FRMD4B: variants seen among roughly 807,000 people sequenced by gnomAD.
The protein encoded by FRMD4B is FERM domain containing 4B, also known as FERM domain-containing protein 4B.
A neutral mutation model predicts 141.5 loss-of-function variants in FRMD4B; 74 were observed. That is an observed-to-expected ratio of 0.52 (90% CI 0.43 to 0.63). The LOEUF is 0.63. FRMD4B is among the 30% of genes least tolerant of loss of function. The pLI is 0.00. For synonymous variants in FRMD4B, 506 were observed against 467.9 expected (o/e 1.08, Z -1.05); for missense variants, 1,366 against 1,253.4 (o/e 1.09, Z -1.36).
intron 1 of FRMD4B, among the ~76,000 whole-genome samples, chr3:69,365,165 A>C (rs1703601945): frequency 6.6e-6 from 1 of 152,206 alleles, no homozygotes; most frequent in African/African-American, 2.4e-5. Flanking sequence ...TATACAAGGA[A>C]ATTCCATATC....
chr3:69,181,242 G>T lies in FRMD4B; in HGVS notation c.2508C>A (p.Asn836Lys). 1 of 1,613,550 alleles carries T rather than the reference G, an allele frequency of 6.2e-7. No homozygotes were observed. Among genetic ancestry groups the T allele is most frequent in the Non-Finnish European group, 8.5e-7 (1 of 1,179,544 alleles). Residue 836 changes from asparagine (N) to lysine (K), a missense_variant, in exon 21 of 23, where the codon AAC (asparagine) becomes AAA (lysine). Physicochemically the swap from Asn to Lys is moderately conservative, Grantham distance 94. Coordinates refer to ENST00000398540, the MANE Select transcript of FRMD4B (RefSeq NM_015123.3). Reference protein sequence around the residue: ...ENDTEGQYSVNPSYRSSAHYG... With the variant: ...ENDTEGQYSVKPSYRSSAHYG... ...AGTGGGCTGAGGACCGGTAGGAAGGGTTGACACTATACTGTCCCTCGGTGT... is the reference window on the plus strand; with the variant it reads ...AGTGGGCTGAGGACCGGTAGGAAGGTTTGACACTATACTGTCCCTCGGTGT...
chr3:69,466,142 C>T (rs1575812238), intron 1 of FRMD4B, among the ~76,000 whole-genome samples: 1 of 152,004 alleles, frequency 6.6e-6, no homozygotes, highest in Non-Finnish European at 1.5e-5. Context: ...TAATGACCAG[C>T]GATGATGAGC....
At chr3:69,427,195 A>G (rs561526829) in intron 2 of FRMD4B, among the ~76,000 whole-genome samples, 3 of 151,228 alleles carry the variant, frequency 2.0e-5, no homozygotes, top group East Asian at 3.9e-4. Context: ...TTAACCCCTC[A>G]ATATTTTCTG....
intron 10 of FRMD4B, among the ~76,000 whole-genome samples, chr3:69,217,772 T>C (rs975677084): frequency 6.6e-6 from 1 of 152,214 alleles, no homozygotes; most frequent in Non-Finnish European, 1.5e-5. Context: ...TGATCAATTA[T>C]AAAATTATTT....
chr3:69,324,419 G>A (rs1702113772), intron 1 of FRMD4B, among the ~76,000 whole-genome samples: 1 of 152,232 alleles, frequency 6.6e-6, no homozygotes, highest in Non-Finnish European at 1.5e-5. Flanking sequence ...CAATAAGACT[G>A]AAAGGGCATT....
In FRMD4B at chr3:69,402,371, C is replaced by T. The variant is rs954661226; in HGVS notation, c.-1+30263G>A. On this transcript the variant is annotated intron_variant, in intron 2 of 5. Transcript: ENST00000459638. ...TACCAAGATGAGAAACTGGAGCCTT[C>T]AAGTATTGTGTGTGAGCTGCCCTAC... Among the ~76,000 whole-genome samples, 7 of 152,312 alleles carry T rather than the reference C, an allele frequency of 4.6e-5. No homozygotes were observed. In the South Asian group the frequency reaches 1.0e-3, roughly 23 times the overall value.
chr3:69,514,866 T>G (rs1050654612), intron 1 of FRMD4B, among the ~76,000 whole-genome samples: 1 of 152,160 alleles, frequency 6.6e-6, no homozygotes, highest in Non-Finnish European at 1.5e-5. Context: ...AAATCCATCC[T>G]AAAATTCCTA....
intron 2 of FRMD4B, among the ~76,000 whole-genome samples, chr3:69,402,316 T>C (rs780390755): frequency 6.6e-6 from 1 of 152,180 alleles, no homozygotes; most frequent in Admixed American, 6.5e-5. Flanking sequence ...ATGAAGCCAA[T>C]ACAGAGAGCT....
rs766632045 is a variant in FRMD4B at position 69,196,420 on chromosome 3, C to G, written c.1093-24G>C. On this transcript the variant is annotated intron_variant, in intron 13 of 22. Coordinates refer to ENST00000398540, the MANE Select transcript of FRMD4B (RefSeq NM_015123.3). Reference sequence around the variant, plus strand: ...GCCTAAGAGGCATACAACAATGAAACAGAATTAACTCAAACATACTTCAAA... The same window carrying G: ...GCCTAAGAGGCATACAACAATGAAAGAGAATTAACTCAAACATACTTCAAA... 3 of 1,575,392 alleles carry G rather than the reference C, an allele frequency of 1.9e-6. No individual in the cohort carries two copies. In the African/African-American group the frequency reaches 4.1e-5, roughly 21 times the overall value.
chr3:69,473,163 C>A (rs983077938), intron 1 of FRMD4B, among the ~76,000 whole-genome samples: 4 of 152,010 alleles, frequency 2.6e-5, no homozygotes, highest in African/African-American at 9.7e-5. Flanking sequence ...ATTTATCTGA[C>A]AAGGATGGCA....
At chr3:69,458,849 TAAAAAAAA>T (rs35229515) in intron 1 of FRMD4B, among the ~76,000 whole-genome samples, 1 of 82,172 alleles carries the variant, frequency 1.2e-5, no homozygotes, top group African/African-American at 4.9e-5. Context: ...ATGGGCTGCT[TAAAAAAAA>T]AAAAAAAAAA....
At chr3:69,279,450 T>C (rs1313739230) in intron 5 of FRMD4B, among the ~76,000 whole-genome samples, 2 of 152,212 alleles carry the variant, frequency 1.3e-5, no homozygotes, top group South Asian at 2.1e-4. Context: ...GTGCTTTCTA[T>C]GTGTTGAGTT....
chr3:69,515,853 C>A (rs1441635296), intron 1 of FRMD4B, among the ~76,000 whole-genome samples: 1 of 152,166 alleles, frequency 6.6e-6, no homozygotes, highest in Non-Finnish European at 1.5e-5. Flanking sequence ...TCATACACTG[C>A]ATTAAACCTA....
chr3:69,275,010 T>C (rs1243022904), intron 5 of FRMD4B, among the ~76,000 whole-genome samples: 1 of 152,184 alleles, frequency 6.6e-6, no homozygotes, highest in Non-Finnish European at 1.5e-5. Context: ...TGCATACTGA[T>C]TCTTAAAACA....
intron 7 of FRMD4B, among the ~76,000 whole-genome samples, chr3:69,247,723 A>G (rs140914533): frequency 0.012 from 1,845 of 152,210 alleles, 57 homozygotes; most frequent in Admixed American, 0.064. Flanking sequence ...ATCTCGGCTC[A>G]CTGCAAGCTC....
At chr3:69,204,094 A>C (rs2092998159) in intron 11 of FRMD4B, among the ~76,000 whole-genome samples, 1 of 152,018 alleles carries the variant, frequency 6.6e-6, no homozygotes, top group Non-Finnish European at 1.5e-5. Context: ...ATGGGGAGGG[A>C]GGGGCTGGTC....
intron 1 of FRMD4B, among the ~76,000 whole-genome samples, chr3:69,508,400 C>A (rs1474616801): frequency 6.6e-6 from 1 of 152,114 alleles, no homozygotes; most frequent in Non-Finnish European, 1.5e-5. Flanking sequence ...GCATAACAGG[C>A]TGGGAAAATT....
chr3:69,421,317 C>T (rs992701406), intron 2 of FRMD4B, among the ~76,000 whole-genome samples: 11 of 152,154 alleles, frequency 7.2e-5, no homozygotes, highest in South Asian at 2.1e-4. Flanking sequence ...TTTTATTTCC[C>T]GTATGAAGAG....
At chr3:69,525,956 G>C (rs544376562) in intron 1 of FRMD4B, among the ~76,000 whole-genome samples, 1 of 152,162 alleles carries the variant, frequency 6.6e-6, no homozygotes, top group Non-Finnish European at 1.5e-5. Context: ...ACCATGCTCG[G>C]CCTGTTTCTA....
Sources: allele counts gnomAD v4.1 joint callset (sites outside exome capture counted in the v4.1 genomes callset), GRCh38; gene constraint gnomAD v4.1.1; transcripts MANE v1.5; gene names NCBI Gene and HGNC (gene_info 2026-07-23, HGNC 2026-07-21).